The following ATF7IP variants were observed in gnomAD, a reference collection of about 807,000 sequenced individuals.
ATF7IP encodes the protein activating transcription factor 7 interacting protein, also known as activating transcription factor 7-interacting protein 1.
Under a neutral mutation model 106.4 loss-of-function variants are expected in ATF7IP, and 23 were observed. The ratio of observed to expected loss-of-function variants is 0.22; its 90% CI spans 0.16 to 0.31. The LOEUF is 0.31. Among genes scored for constraint, ATF7IP ranks in the 10% least tolerant of loss-of-function variants. The probability of loss-of-function intolerance (pLI) is 1.00; values close to 1 mark genes in which losing one functional copy is unlikely to be tolerated. For synonymous variants in ATF7IP, 542 were observed against 539.0 expected (o/e 1.01, Z -0.08); for missense variants, 1,334 against 1,524.3 (o/e 0.88, Z 2.08).
chr12:14,465,386 C>A (rs1943791365), intron 9 of ATF7IP, among the ~76,000 whole-genome samples: 1 of 151,822 alleles, frequency 6.6e-6, no homozygotes, highest in Non-Finnish European at 1.5e-5. Context: ...TGGTAGTAAT[C>A]ACTGATATTT....
intron 6 of ATF7IP, among the ~76,000 whole-genome samples, chr12:14,450,166 T>C (rs1056526028): frequency 6.6e-6 from 1 of 152,094 alleles, no homozygotes; most frequent in African/African-American, 2.4e-5. Flanking sequence ...TTTCTTTTTC[T>C]TGCATAATTG....
chr12:14,397,014 T>C (rs928813399), intron 1 of ATF7IP, among the ~76,000 whole-genome samples: 1 of 151,834 alleles, frequency 6.6e-6, no homozygotes, highest in Non-Finnish European at 1.5e-5. Flanking sequence ...TACAAAAAAT[T>C]AGCCAGATGT....
At chr12:14,466,146 A>G (rs1943824580) in intron 9 of ATF7IP, 2 of 161,276 alleles carry the variant, frequency 1.2e-5, no homozygotes, top group Admixed American at 1.3e-4. Flanking sequence ...TACTGAATTT[A>G]TTGGGAACAT....
chr12:14,387,015 G>A (rs1939276214), intron 1 of ATF7IP, among the ~76,000 whole-genome samples: 1 of 151,926 alleles, frequency 6.6e-6, no homozygotes, highest in African/African-American at 2.4e-5. Context: ...TTAAATCAGT[G>A]TCCATTTATT....
chr12:14,438,651 C>T (rs1055446024), intron 5 of ATF7IP, among the ~76,000 whole-genome samples: 6 of 152,126 alleles, frequency 3.9e-5, no homozygotes, highest in African/African-American at 1.4e-4. Context: ...ATGGTGTTGT[C>T]CTTGTATGTG....
intron 9 of ATF7IP, 112 bp downstream of exon 9, chr12:14,461,245 G>T (rs528279573): frequency 2.5e-4 from 245 of 968,042 alleles, no homozygotes; most frequent in Non-Finnish European, 3.4e-4. Context: ...AAAATAAATA[G>T]AATTTTCTTG....
In ATF7IP at chr12:14,460,491, ATAG is replaced by A. The variant is rs1943595924; in HGVS notation, c.2159-1_2160del. 3 of 1,607,708 alleles carry A rather than the reference ATAG, an allele frequency of 1.9e-6. No homozygotes were observed. Among genetic ancestry groups the A allele is most frequent in the Non-Finnish European group, 2.5e-6 (3 of 1,176,584 alleles). On this transcript the variant is annotated splice_acceptor_variant and splice_polypyrimidine_tract_variant and intron_variant, in intron 8 of 14. Coordinates refer to ENST00000261168, the MANE Select transcript of ATF7IP (RefSeq NM_018179.5). LOFTEE classifies it high-confidence loss of function. ...AAACTGAGGCTTCTGTTTTCTTTCT[ATAG>A]TATCTTCAACCAATCTTGTCACTCC...
chr12:14,473,940 A>G (rs1161613254), intron 10 of ATF7IP, among the ~76,000 whole-genome samples: 4 of 151,872 alleles, frequency 2.6e-5, no homozygotes, highest in Non-Finnish European at 5.9e-5. Flanking sequence ...TTATTTTCAA[A>G]ATTTTTCATT....
At chr12:14,416,957 G>A in intron 1 of ATF7IP, 1 of 985,102 alleles carries the variant, frequency 1.0e-6, no homozygotes, top group Non-Finnish European at 1.2e-6. Context: ...GGGTATGTTT[G>A]AAAAATTACA....
chr12:14,400,620 A>G (rs778573623), intron 1 of ATF7IP, among the ~76,000 whole-genome samples: 7 of 151,660 alleles, frequency 4.6e-5, no homozygotes, highest in Admixed American at 2.0e-4. Flanking sequence ...TGTATTTTCT[A>G]TGACAGTGCA....
At chr12:14,436,795 T>TA (rs1418418367) in intron 4 of ATF7IP, among the ~76,000 whole-genome samples, 1 of 148,150 alleles carries the variant, frequency 6.7e-6, no homozygotes, top group African/African-American at 2.6e-5. Flanking sequence ...TTTTTTTTTT[T>TA]AAAAAAGGTT....
chr12:14,397,694 A>G (rs1939927640), intron 1 of ATF7IP, among the ~76,000 whole-genome samples: 2 of 151,072 alleles, frequency 1.3e-5, no homozygotes, highest in Admixed American at 1.3e-4. Flanking sequence ...AAGCTCATTA[A>G]AATTTTCTTA....
chr12:14,476,339 G>C (rs1456334585), intron 11 of ATF7IP: 2 of 160,308 alleles, frequency 1.2e-5, no homozygotes, highest in Non-Finnish European at 1.4e-5. Context: ...TTGAGCCTGG[G>C]AGGTTGAGGC....
chr12:14,483,278 C>T (rs1944486196), intron 13 of ATF7IP, among the ~76,000 whole-genome samples: 1 of 152,194 alleles, frequency 6.6e-6, no homozygotes, highest in South Asian at 2.1e-4. Context: ...GCCTTAATCA[C>T]AGGGCATGGT....
chr12:14,462,392 A>AT (rs1468291255), intron 9 of ATF7IP, among the ~76,000 whole-genome samples: 36 of 151,892 alleles, frequency 2.4e-4, no homozygotes, highest in Non-Finnish European at 4.4e-4. Flanking sequence ...AGTTCTTAGT[A>AT]TTTTTTAATG....
At chr12:14,473,151 G>A (rs925391913) in intron 10 of ATF7IP, among the ~76,000 whole-genome samples, 6 of 151,762 alleles carry the variant, frequency 4.0e-5, no homozygotes, top group Non-Finnish European at 7.4e-5. Context: ...TTTGCTATTT[G>A]TTTTCTATTC....
intron 12 of ATF7IP, among the ~76,000 whole-genome samples, chr12:14,480,416 G>T (rs1395017451): frequency 6.6e-6 from 1 of 152,118 alleles, no homozygotes; most frequent in African/African-American, 2.4e-5. Flanking sequence ...GAGTAGAGAA[G>T]GGAGAAGTCT....
chr12:14,446,885 T>C (rs1942986836), intron 5 of ATF7IP, 103 bp from the exon 6 acceptor site: 2 of 760,398 alleles, frequency 2.6e-6, no homozygotes, highest in Non-Finnish European at 4.0e-6. Context: ...CTTCTGAGGA[T>C]CCTGTTTTCT....
intron 4 of ATF7IP, among the ~76,000 whole-genome samples, chr12:14,437,518 A>G (rs183841522): frequency 6.6e-6 from 1 of 152,314 alleles, no homozygotes; most frequent in Admixed American, 6.5e-5. Flanking sequence ...TCTTTAGAAC[A>G]GTGTTACTCA....
Sources: allele counts gnomAD v4.1 joint callset (sites outside exome capture counted in the v4.1 genomes callset), GRCh38; gene constraint gnomAD v4.1.1; transcripts MANE v1.5; gene names NCBI Gene and HGNC (gene_info 2026-07-23, HGNC 2026-07-21).